Variants in COL14A1 observed in about 807,000 individuals in gnomAD.
COL14A1 encodes collagen type XIV alpha 1 chain.
A neutral mutation model predicts 230.3 loss-of-function variants in COL14A1; 136 were observed. The observed-to-expected ratio is 0.59, with a 90% CI of 0.51 to 0.68. The LOEUF (loss-of-function observed/expected upper bound fraction) is 0.68. Among genes scored for constraint, COL14A1 ranks in the 30% least tolerant of loss-of-function variants. The pLI is 0.00. For missense variants in COL14A1, 1,976 were observed against 2,215.8 expected, an observed-to-expected ratio of 0.89 and a Z score of 2.17; for synonymous variants, 792 against 784.1, an observed-to-expected ratio of 1.01 and a Z score of -0.17.
chr8:120,136,880 G>T (rs1445172454), intron 1 of COL14A1, among the ~76,000 whole-genome samples: 1 of 132,730 alleles, frequency 7.5e-6, no homozygotes, highest in African/African-American at 2.8e-5. Context: ...CAGGAGAATT[G>T]CTTGAACCCG....
At chr8:120,342,778 C>G (rs1197174123) in intron 44 of COL14A1, among the ~76,000 whole-genome samples, 1 of 152,142 alleles carries the variant, frequency 6.6e-6, no homozygotes, top group Non-Finnish European at 1.5e-5. Context: ...CTCAAGTGTT[C>G]AGCACTTGAA....
chr8:120,302,182 G>T (rs529978189), intron 36 of COL14A1, among the ~76,000 whole-genome samples: 3 of 152,084 alleles, frequency 2.0e-5, no homozygotes, highest in African/African-American at 7.2e-5. Flanking sequence ...CCATTCTGTA[G>T]GTTGTCTGTT....
intron 21 of COL14A1, among the ~76,000 whole-genome samples, chr8:120,249,981 A>C (rs1818888167): frequency 6.6e-6 from 1 of 152,196 alleles, no homozygotes; most frequent in Non-Finnish European, 1.5e-5. Context: ...GCAGGAGGTA[A>C]ATAAATTTGT....
chr8:120,139,295 C>T (rs1814818056), intron 1 of COL14A1, among the ~76,000 whole-genome samples: 1 of 152,168 alleles, frequency 6.6e-6, no homozygotes, highest in African/African-American at 2.4e-5. Flanking sequence ...TTTGCCTGAA[C>T]TTGTCAGTTG....
chr8:120,238,638 C>T (rs535609577), intron 19 of COL14A1, among the ~76,000 whole-genome samples: 1 of 152,248 alleles, frequency 6.6e-6, no homozygotes, highest in South Asian at 2.1e-4. Flanking sequence ...GCTGGCATTC[C>T]AGGCATCATG....
At chr8:120,149,533 G>A (rs1042061034) in intron 2 of COL14A1, among the ~76,000 whole-genome samples, 2 of 152,096 alleles carry the variant, frequency 1.3e-5, no homozygotes, top group African/African-American at 2.4e-5. Context: ...AACAAAGGGC[G>A]GGCAAGTTGC....
intron 8 of COL14A1, among the ~76,000 whole-genome samples, chr8:120,202,537 A>G (rs985713498): frequency 6.6e-6 from 1 of 152,184 alleles, no homozygotes; most frequent in Admixed American, 6.6e-5. Flanking sequence ...AGGGAAATCT[A>G]CTTCATACCC....
At chr8:120,296,411 C>T (rs1820532958) in intron 34 of COL14A1, among the ~76,000 whole-genome samples, 1 of 151,876 alleles carries the variant, frequency 6.6e-6, no homozygotes, top group Non-Finnish European at 1.5e-5. Context: ...ATAGTGCATG[C>T]ATTTTTAATA....
chr8:120,204,331 A>G (rs1344483977), intron 9 of COL14A1, among the ~76,000 whole-genome samples: 1 of 152,088 alleles, frequency 6.6e-6, no homozygotes, highest in East Asian at 1.9e-4. Context: ...ACTCACTTAT[A>G]TCCCTCACTC....
In COL14A1 at chr8:120,208,331, A is replaced by G; in HGVS notation, c.1291A>G (p.Ser431Gly). 6.2e-7 allele frequency: 1 copy of G among 1,613,688 alleles called. No homozygotes were observed. The highest frequency in any genetic ancestry group is 8.5e-7 in the Non-Finnish European group (1 of 1,179,790). ...AVFAIYAHTA[S>G]EGLRGTETTL... ...CTTTGCAATCTATGCCCACACTGCT[A>G]GTGAAGGCCTACGGGGAACTGAAAC... The change falls in exon 11 of 48, where the codon AGT (serine) becomes GGT (glycine). Residue 431 changes from serine to glycine, a missense_variant. By Grantham distance (56) the Ser-to-Gly change is moderately conservative. Transcript: ENST00000297848.
At chr8:120,189,326 A>C (rs1260369488) in intron 5 of COL14A1, among the ~76,000 whole-genome samples, 2 of 152,148 alleles carry the variant, frequency 1.3e-5, no homozygotes, top group Admixed American at 1.3e-4. Flanking sequence ...GACACAAGAA[A>C]AAATATTGTT....
intron 42 of COL14A1, among the ~76,000 whole-genome samples, chr8:120,337,401 T>TAAAAAAAAAAAAAAAAAAAAAAA (rs60418574): frequency 7.7e-6 from 1 of 129,456 alleles, no homozygotes; most frequent in African/African-American, 2.9e-5. Flanking sequence ...GTCTCAAAAT[T>TAAAAAAAAAAAAAAAAAAAAAAA]AAAAAAAAAA....
intron 23 of COL14A1, among the ~76,000 whole-genome samples, chr8:120,261,133 T>A (rs1401268584): frequency 6.6e-6 from 1 of 152,118 alleles, no homozygotes; most frequent in Admixed American, 6.5e-5. Context: ...AAGATAAATG[T>A]TTGAAGTGAT....
At chr8:120,325,292 T>A (rs1821619824) in intron 40 of COL14A1, among the ~76,000 whole-genome samples, 1 of 152,162 alleles carries the variant, frequency 6.6e-6, no homozygotes, top group Admixed American at 6.5e-5. Flanking sequence ...TATTTTGAGG[T>A]AGGAATATTA....
intron 1 of COL14A1, among the ~76,000 whole-genome samples, chr8:120,141,679 A>G (rs1433185758): frequency 2.0e-5 from 3 of 152,236 alleles, no homozygotes; most frequent in Non-Finnish European, 2.9e-5. Context: ...TAGTTAGTTA[A>G]AAAGTACATG....
chr8:120,340,276 G>GAA (rs896408115), intron 42 of COL14A1, among the ~76,000 whole-genome samples: 3 of 152,152 alleles, frequency 2.0e-5, no homozygotes, highest in African/African-American at 7.2e-5. Flanking sequence ...TTTGTAGCTT[G>GAA]AAATCAGCTG....
At chr8:120,361,247 A>T (rs1361513208) in intron 45 of COL14A1, among the ~76,000 whole-genome samples, 1 of 152,100 alleles carries the variant, frequency 6.6e-6, no homozygotes, top group Non-Finnish European at 1.5e-5. Flanking sequence ...TCCCTGGCTG[A>T]GCTCTGAATT....
chr8:120,137,366 C>T (rs1814750342), intron 1 of COL14A1, among the ~76,000 whole-genome samples: 1 of 152,128 alleles, frequency 6.6e-6, no homozygotes, highest in South Asian at 2.1e-4. Flanking sequence ...TCCTTGATCA[C>T]ACTTCCTAAA....
At chr8:120,265,246 T>G (rs1819468397) in intron 24 of COL14A1, among the ~76,000 whole-genome samples, 1 of 152,132 alleles carries the variant, frequency 6.6e-6, no homozygotes, top group Non-Finnish European at 1.5e-5. Context: ...CTGATTTCAT[T>G]CTTGATTTAT....
Sources: allele counts gnomAD v4.1 joint callset (sites outside exome capture counted in the v4.1 genomes callset), GRCh38; gene constraint gnomAD v4.1.1; transcripts MANE v1.5; gene names NCBI Gene and HGNC (gene_info 2026-07-23, HGNC 2026-07-21).